Variants in FYB1 observed in about 807,000 individuals in gnomAD.
FYB1 encodes the protein FYN-binding protein 1.
In FYB1, 41 loss-of-function variants were observed where a neutral mutation model predicts 94.1. The ratio of observed to expected loss-of-function variants is 0.44; its 90% CI spans 0.34 to 0.57. The LOEUF (loss-of-function observed/expected upper bound fraction) is 0.57. Ranked by LOEUF, FYB1 falls within the 20% of genes least tolerant of loss-of-function variation. The pLI, the probability that FYB1 is intolerant of heterozygous loss-of-function variation, is 0.02. For missense variants in FYB1, 1,050 were observed against 976.8 expected, an observed-to-expected ratio of 1.07 and a Z score of -1.00; for synonymous variants, 367 against 353.2, an observed-to-expected ratio of 1.04 and a Z score of -0.44.
At position 39,107,356 on chromosome 5, in the gene FYB1, T is replaced by G; in HGVS notation, c.*87A>C. On this transcript the variant is annotated 3_prime_UTR_variant, in exon 19 of 19. Coordinates refer to ENST00000512982, the MANE Select transcript of FYB1 (RefSeq NM_001465.6). ...GATAATAAGTGGTTTTGTGCATTAA[T>G]TTTCTTGATACCCAATAACATGCCA... The G allele has an allele frequency of 1.1e-6, 1 of 890,426 alleles. No individual in the cohort carries two copies. The highest frequency in any genetic ancestry group is 1.7e-6 in the Non-Finnish European group (1 of 603,666). The allele number at this position is 890,426 out of a possible 1,614,324, so 55.2% of individuals were successfully genotyped here.
intron 1 of FYB1, among the ~76,000 whole-genome samples, chr5:39,251,189 A>G (rs960975719): frequency 1.3e-5 from 2 of 152,214 alleles, no homozygotes; most frequent in South Asian, 2.1e-4. Context: ...GTGATCTGCA[A>G]CAGTGTTTCT....
intron 2 of FYB1, among the ~76,000 whole-genome samples, chr5:39,158,888 G>A (rs1053646368): frequency 6.6e-6 from 1 of 151,978 alleles, no homozygotes; most frequent in African/African-American, 2.4e-5. Flanking sequence ...TTTTTCTTGG[G>A]GTATCTTAGA....
chr5:39,235,555 C>T (rs1193078863), intron 1 of FYB1, among the ~76,000 whole-genome samples: 1 of 147,742 alleles, frequency 6.8e-6, no homozygotes, highest in African/African-American at 2.6e-5. Flanking sequence ...CCAATTAAAT[C>T]TAATTAAATC....
At chr5:39,143,300 A>G (rs575283624) in intron 3 of FYB1, among the ~76,000 whole-genome samples, 6 of 152,216 alleles carry the variant, frequency 3.9e-5, no homozygotes, top group African/African-American at 1.2e-4. Context: ...CAATTCACAT[A>G]TCTATCAAGC....
At chr5:39,251,160 A>C (rs1483107299) in intron 1 of FYB1, among the ~76,000 whole-genome samples, 1 of 152,200 alleles carries the variant, frequency 6.6e-6, no homozygotes, top group Non-Finnish European at 1.5e-5. Flanking sequence ...GAACCTGGAA[A>C]AACGGAAAAT....
chr5:39,126,842 C>G (rs1011235753), intron 11 of FYB1, among the ~76,000 whole-genome samples: 3 of 151,320 alleles, frequency 2.0e-5, no homozygotes, highest in Non-Finnish European at 4.4e-5. Flanking sequence ...GCAGATCACC[C>G]GAGATCAGAA....
intron 2 of FYB1, among the ~76,000 whole-genome samples, chr5:39,191,964 C>T (rs1423854103): frequency 6.6e-6 from 1 of 152,188 alleles, no homozygotes; most frequent in Non-Finnish European, 1.5e-5. Context: ...CAAAGACATT[C>T]TTCTGGCATA....
intron 1 of FYB1, among the ~76,000 whole-genome samples, chr5:39,234,553 A>G (rs967666263): frequency 1.3e-5 from 2 of 152,188 alleles, no homozygotes; most frequent in African/African-American, 4.8e-5. Flanking sequence ...TATCTACCCA[A>G]AGGATTATAA....
At chr5:39,141,186 G>A in intron 3 of FYB1, 45 bp from the exon 4 acceptor site, 1 of 1,240,986 alleles carries the variant, frequency 8.1e-7, no homozygotes, top group South Asian at 1.3e-5. Flanking sequence ...ACAAGTAGAT[G>A]CTCACCTTAC....
chr5:39,122,279 AT>A, intron 14 of FYB1, 56 bp downstream of exon 14: 2 of 1,184,312 alleles, frequency 1.7e-6, no homozygotes, highest in Non-Finnish European at 2.5e-6. Context: ...TTTCAGTTGA[AT>A]TTTCTTGAGT....
chr5:39,131,630 T>C (rs1741211118), intron 9 of FYB1, among the ~76,000 whole-genome samples: 1 of 152,206 alleles, frequency 6.6e-6, no homozygotes, highest in Admixed American at 6.5e-5. Context: ...AATAAGGAAC[T>C]GCTTTTTGAA....
intron 16 of FYB1, among the ~76,000 whole-genome samples, chr5:39,114,900 A>T (rs1449806194): frequency 6.6e-6 from 1 of 152,146 alleles, no homozygotes; most frequent in Non-Finnish European, 1.5e-5. Context: ...TAAGAATAAT[A>T]GGTTGGTAAA....
intron 1 of FYB1, among the ~76,000 whole-genome samples, chr5:39,242,862 G>T (rs1304629152): frequency 6.6e-6 from 1 of 152,090 alleles, no homozygotes; most frequent in African/African-American, 2.4e-5. Flanking sequence ...TCTCATTGTG[G>T]TTTTGATTTG....
intron 1 of FYB1, among the ~76,000 whole-genome samples, chr5:39,241,737 T>C (rs1645742): frequency 0.17 from 25,623 of 152,098 alleles, 5,769 homozygotes; most frequent in African/African-American, 0.5. Flanking sequence ...AGACCACTCC[T>C]AGTGGGAAAT....
chr5:39,198,854 T>G (rs1748054794), intron 2 of FYB1, among the ~76,000 whole-genome samples: 1 of 152,070 alleles, frequency 6.6e-6, no homozygotes, highest in African/African-American at 2.4e-5. Context: ...ATATATTCTA[T>G]ATAAATAAAT....
chr5:39,233,964 G>A (rs116031666), intron 1 of FYB1, among the ~76,000 whole-genome samples: 6,250 of 152,172 alleles, frequency 0.041, 215 homozygotes, highest in Non-Finnish European at 0.061. Flanking sequence ...TGACTCCCAG[G>A]CATCTTTGGA....
At chr5:39,196,021 C>T (rs924848476) in intron 2 of FYB1, among the ~76,000 whole-genome samples, 5 of 151,922 alleles carry the variant, frequency 3.3e-5, no homozygotes, top group Admixed American at 6.6e-5. Flanking sequence ...GAAGGGAGCT[C>T]AATAGATCTG....
intron 1 of FYB1, among the ~76,000 whole-genome samples, chr5:39,210,805 G>A (rs1015987735): frequency 6.6e-6 from 1 of 152,142 alleles, no homozygotes; most frequent in African/African-American, 2.4e-5. Flanking sequence ...GAGCCCAAGG[G>A]TTTGAGTTCA....
At chr5:39,224,722 C>T (rs149231637) in intron 1 of FYB1, among the ~76,000 whole-genome samples, 258 of 152,322 alleles carry the variant, frequency 1.7e-3, no homozygotes, top group African/African-American at 6.0e-3. Flanking sequence ...CTCATGTACA[C>T]ATATCAGAGA....
Sources: allele counts gnomAD v4.1 joint callset (sites outside exome capture counted in the v4.1 genomes callset), GRCh38; gene constraint gnomAD v4.1.1; transcripts MANE v1.5; gene names NCBI Gene and HGNC (gene_info 2026-07-23, HGNC 2026-07-21).